The following CELSR1 variants were observed in gnomAD, a reference collection of about 807,000 sequenced individuals.
CELSR1 encodes adhesion G protein-coupled receptor C1.
Under a neutral mutation model 249.1 loss-of-function variants are expected in CELSR1, and 110 were observed. That is an observed-to-expected ratio of 0.44 (90% CI 0.38 to 0.52). CELSR1 has a LOEUF of 0.52. Ranked by LOEUF, CELSR1 falls within the 20% of genes least tolerant of loss-of-function variation. The pLI is 0.00. For missense variants in CELSR1, 4,109 were observed against 4,296.4 expected, an observed-to-expected ratio of 0.96 and a Z score of 1.22; for synonymous variants, 2,113 against 1,900.0, an observed-to-expected ratio of 1.11 and a Z score of -2.92.
chr22:46,478,803 C>T (rs151211194), intron 1 of CELSR1, among the ~76,000 whole-genome samples: 3,432 of 151,892 alleles, frequency 0.023, 115 homozygotes, highest in African/African-American at 0.077. Context: ...CTGTCCGCCT[C>T]GGCCTCCCAA....
chr22:46,431,170 C>T lies in CELSR1; in HGVS notation c.4611+2223G>A, dbSNP rs532705577. Among the ~76,000 whole-genome samples, 3 of 152,334 alleles carry T rather than the reference C, an allele frequency of 2.0e-5. No individual in the cohort carries two copies. The East Asian group carries it at 5.8e-4, about 29-fold the overall frequency. On this transcript the variant is annotated intron_variant, in intron 5 of 34. Transcript: ENST00000674500. Reference sequence around the variant, plus strand: ...CTTCTTACATGAGGCCCCTCTCCTCCGGGACAGTGCAGGTGGCGTCCTGCA... The same window carrying T: ...CTTCTTACATGAGGCCCCTCTCCTCTGGGACAGTGCAGGTGGCGTCCTGCA...
At position 46,363,013 on chromosome 22, in the gene CELSR1, T is replaced by G; in HGVS notation, c.*210A>C. On this transcript the variant is annotated 3_prime_UTR_variant, in exon 35 of 35. Transcript: ENST00000674500. The surrounding 1 kb of genome is among the most constrained non-coding windows in gnomAD (Gnocchi z 4.3). Reference sequence around the variant, plus strand: ...ACTTGTCACCAGGTCTGACAGGCCCTGAGCTCCTGGGAGAACCAAGACCTT... The same window carrying G: ...ACTTGTCACCAGGTCTGACAGGCCCGGAGCTCCTGGGAGAACCAAGACCTT... The G allele has an allele frequency of 1.2e-5, 12 of 1,019,520 alleles. No individual in the cohort carries two copies. The highest frequency in any genetic ancestry group is 1.3e-5 in the Non-Finnish European group (9 of 687,562). 63.2% of individuals were successfully genotyped at this position (1,019,520 alleles called of 1,614,324 possible).
In CELSR1 at chr22:46,410,479, C is replaced by A; in HGVS notation, c.4852G>T (p.Val1618Leu). 1.9e-6 allele frequency: 3 copies of A among 1,614,102 alleles called. No individual in the cohort carries two copies. Among genetic ancestry groups the A allele is most frequent in the Non-Finnish European group, 2.5e-6 (3 of 1,180,032 alleles). ...EDFPVHNRQF[V>L]GCMRNLSVDG... ...ACTGACAGGTTCCGCATGCAGCCCACGAACTGCCGGTTGTGCACTGGGAAG... is the reference window on the plus strand; with the variant it reads ...ACTGACAGGTTCCGCATGCAGCCCAAGAACTGCCGGTTGTGCACTGGGAAG... The change falls in exon 7 of 35, where the codon GTG becomes TTG. Residue 1618 changes from valine (V) to leucine (L), a missense_variant. This residue lies in a region of CELSR1 where 453 missense variants were observed against 492.0 expected (regional missense o/e 0.92). Transcript: ENST00000674500. The surrounding 1 kb of genome is among the most constrained non-coding windows in gnomAD (Gnocchi z 6.8).
At chr22:46,457,893 C>T (rs1313963616) in intron 2 of CELSR1, among the ~76,000 whole-genome samples, 2 of 152,204 alleles carry the variant, frequency 1.3e-5, no homozygotes, top group Non-Finnish European at 1.5e-5. Context: ...ACTCTGACCA[C>T]AACACAGAAT....
rs1213967718 is a variant in CELSR1 at position 46,362,073 on chromosome 22, CAG to C, written c.*1148_*1149del. ...CCCTGCCTGGAGATCCTCGCAGTCT[CAG>C]AGAGTTAGAGAATTGGCAGGAGGTA... On this transcript the variant is annotated 3_prime_UTR_variant, in exon 35 of 35. Coordinates refer to ENST00000674500, the MANE Select transcript of CELSR1 (RefSeq NM_001378328.1). 1.3e-5 allele frequency: 2 copies of C among 152,262 alleles called. No individual in the cohort carries two copies. Among genetic ancestry groups the C allele is most frequent in the African/African-American group, 2.4e-5 (1 of 41,470 alleles). The allele number at this position is 152,262 out of a possible 1,614,324, so 9.4% of individuals were successfully genotyped here. A position where few individuals can be genotyped will look rare whatever the true frequency, so the allele number is the denominator to read the frequency against.
chr22:46,503,607 C>T (rs2080486692), intron 1 of CELSR1, among the ~76,000 whole-genome samples: 1 of 152,248 alleles, frequency 6.6e-6, no homozygotes, highest in African/African-American at 2.4e-5. Context: ...ACTTAAGCCT[C>T]ATGCAACCCT....
chr22:46,409,391 G>A lies in CELSR1; in HGVS notation c.5060-229C>T, dbSNP rs1181586099. ...GAGCCTCCTTGCTGGGAAGCATGAAGATCTGCAGGCTCCCAGCCACAGATG... is the reference window on the plus strand; with the variant it reads ...GAGCCTCCTTGCTGGGAAGCATGAAAATCTGCAGGCTCCCAGCCACAGATG... On this transcript the variant is annotated intron_variant, in intron 8 of 34. Transcript: ENST00000674500. The surrounding 1 kb of genome is among the most constrained non-coding windows in gnomAD (Gnocchi z 9.8). 6.6e-6 allele frequency among the ~76,000 whole-genome samples: 1 copy of A among 152,192 alleles called. No homozygotes were observed. The highest frequency in any genetic ancestry group is 1.5e-5 in the Non-Finnish European group (1 of 68,028).
At chr22:46,442,979 TC>T (rs2079770696) in intron 2 of CELSR1, among the ~76,000 whole-genome samples, 2 of 151,122 alleles carry the variant, frequency 1.3e-5, no homozygotes, top group South Asian at 4.2e-4. Context: ...GCGCCTGTAG[TC>T]CCAGCTACTC....
At chr22:46,373,668 G>A (rs1432909146) in intron 24 of CELSR1, among the ~76,000 whole-genome samples, 2 of 114,772 alleles carry the variant, frequency 1.7e-5, no homozygotes, top group Non-Finnish European at 3.5e-5. Context: ...TGGGGGAGAA[G>A]GGGGAGATGG....
chr22:46,373,242 G>A (rs1191283340), intron 24 of CELSR1, among the ~76,000 whole-genome samples, 185 bp from the exon 25 acceptor site: 1 of 152,160 alleles, frequency 6.6e-6, no homozygotes, highest in African/African-American at 2.4e-5. Context: ...CAACATCCAC[G>A]GAGCAGCTGA....
intron 17 of CELSR1, among the ~76,000 whole-genome samples, chr22:46,389,788 T>A (rs1235255339): frequency 2.0e-5 from 3 of 148,710 alleles, no homozygotes; most frequent in African/African-American, 7.9e-5. Context: ...TATGTCTCTA[T>A]TTTAAAAATA....
At chr22:46,366,348 C>G (rs1314568575) in intron 30 of CELSR1, 38 bp downstream of exon 30, 1 of 1,454,092 alleles carries the variant, frequency 6.9e-7, no homozygotes, top group Non-Finnish European at 9.2e-7. Context: ...TGAGGGAGTT[C>G]GAGAGCCACC....
intron 1 of CELSR1, among the ~76,000 whole-genome samples, chr22:46,516,895 C>T (rs1217656648): frequency 6.6e-6 from 1 of 152,240 alleles, no homozygotes; most frequent in Admixed American, 6.5e-5. Context: ...CCGTTTCCCA[C>T]TGCAGCTGAC....
Position 46,390,742 on chromosome 22 carries a change from A to C in CELSR1, c.6251-256T>G, listed in dbSNP as rs1325863108. Among the ~76,000 whole-genome samples the C allele has an allele frequency of 6.6e-6, 1 of 152,200 alleles. No homozygotes were observed. The highest frequency in any genetic ancestry group is 2.4e-5 in the African/African-American group (1 of 41,446). On this transcript the variant is annotated intron_variant, in intron 16 of 34. Transcript: ENST00000674500. The surrounding 1 kb of genome is among the most constrained non-coding windows in gnomAD (Gnocchi z 6.3). The stretch of plus-strand genomic sequence containing the variant: ...GCACTTCCGAGCAAGTCCGTGAGGA[A>C]AGAAATCAGCAACACCATCTGCCGG...
At chr22:46,499,528 A>C (rs2080446054) in intron 1 of CELSR1, among the ~76,000 whole-genome samples, 1 of 152,218 alleles carries the variant, frequency 6.6e-6, no homozygotes, top group South Asian at 2.1e-4. Context: ...AATGTGATCA[A>C]GCTTTAAACA....
At chr22:46,389,566 T>C in intron 17 of CELSR1, 67 bp from the exon 18 acceptor site, 2 of 1,454,004 alleles carry the variant, frequency 1.4e-6, no homozygotes, top group Non-Finnish European at 1.9e-6. Context: ...CTGCTGTTAC[T>C]CAGCAACTCA....
rs2079119850 is a variant in CELSR1, at chr22:46,393,798, G to A, written c.5964+344C>T. On this transcript the variant is annotated intron_variant, in intron 14 of 34. Coordinates refer to ENST00000674500, the MANE Select transcript of CELSR1 (RefSeq NM_001378328.1). This position sits in a 1 kb window ranked among gnomAD's most constrained non-coding sequence, Gnocchi z 4.1. ...CCAGGAGGCCAGGAGGGCCGGGGTG[G>A]TGCCATAGATGAGCCAGCCCTCAGA... 6.6e-6 allele frequency among the ~76,000 whole-genome samples: 1 copy of A among 152,110 alleles called. No individual in the cohort carries two copies. Among genetic ancestry groups the A allele is most frequent in the Non-Finnish European group, 1.5e-5 (1 of 68,030 alleles).
In CELSR1 at chr22:46,397,887, G is replaced by T. The variant is rs1027857301; in HGVS notation, c.5527-39C>A. On this transcript the variant is annotated intron_variant, in intron 11 of 34. Coordinates refer to ENST00000674500, the MANE Select transcript of CELSR1 (RefSeq NM_001378328.1). The stretch of plus-strand genomic sequence containing the variant: ...ACGGCACTGGGGCTACAGGAGCCCG[G>T]AAAGGTATGTAGGGGTTAAGGGAAC... The T allele has an allele frequency of 4.7e-6, 7 of 1,475,492 alleles. No homozygotes were observed. In the African/African-American group the frequency reaches 9.9e-5, roughly 21 times the overall value. The allele number at this position is 1,475,492 out of a possible 1,614,324, so 91.4% of individuals were successfully genotyped here. A position where few individuals can be genotyped will look rare whatever the true frequency, so the allele number is the denominator to read the frequency against.
In CELSR1 at chr22:46,410,258, G is replaced by T. The variant is rs1226353670; in HGVS notation, c.4933+140C>A. On this transcript the variant is annotated intron_variant, in intron 7 of 34. Transcript: ENST00000674500. The surrounding 1 kb of genome is among the most constrained non-coding windows in gnomAD (Gnocchi z 6.8). ...GCCTGGACTCCGGGTTCCATCCCAGGAGCTGCCCACCGCTGGACACATACA... is the reference window on the plus strand; with the variant it reads ...GCCTGGACTCCGGGTTCCATCCCAGTAGCTGCCCACCGCTGGACACATACA... 1 of 1,056,402 alleles carries T rather than the reference G, an allele frequency of 9.5e-7. No individual in the cohort carries two copies. The highest frequency in any genetic ancestry group is 1.6e-5 in the African/African-American group (1 of 62,950). 65.4% of individuals were successfully genotyped at this position (1,056,402 alleles called of 1,614,324 possible).
Sources: gnomAD v4.1 joint callset for allele counts (sites outside exome capture counted in the v4.1 genomes callset) on GRCh38, gnomAD v4.1.1 for gene constraint, gnomAD v4.1.1 regional missense constraint, Gnocchi (gnomAD v3.1) non-coding constraint, MANE v1.5 for transcripts, NCBI Gene and HGNC (gene_info 2026-07-23, HGNC 2026-07-21) for gene names.